Variants in LY9 observed in about 807,000 individuals in gnomAD.
LY9 encodes the protein T-lymphocyte surface antigen Ly-9.
A neutral mutation model predicts 64.6 loss-of-function variants in LY9; 59 were observed. That is an observed-to-expected ratio of 0.91 (90% CI 0.74 to 1.13). LY9 has a LOEUF of 1.13. LY9 is among the 50% of genes most tolerant of loss of function. The pLI, the probability that LY9 is intolerant of heterozygous loss-of-function variation, is 0.00. For missense variants in LY9, 789 were observed against 797.2 expected (o/e 0.99, Z 0.12); for synonymous variants, 281 against 308.5 (o/e 0.91, Z 0.93).
At chr1:160,820,797 A>T (rs1668362919) in intron 7 of LY9, among the ~76,000 whole-genome samples, 1 of 150,772 alleles carries the variant, frequency 6.6e-6, no homozygotes, top group African/African-American at 2.4e-5. Context: ...ATCCACTGCC[A>T]CTGCCTTAGT....
chr1:160,815,233 T>G, intron 4 of LY9: 2 of 156,568 alleles, frequency 1.3e-5, no homozygotes, highest in Non-Finnish European at 2.8e-5. Context: ...CAAGCTACTC[T>G]AGAGGCTGAG....
At chr1:160,796,405 G>GTT (rs199885910) in intron 1 of LY9, 94 bp downstream of exon 1, 23 of 1,435,824 alleles carry the variant, frequency 1.6e-5, no homozygotes, top group Non-Finnish European at 2.1e-5. Flanking sequence ...TTTGTTTTTT[G>GTT]TTTTTTTTAA....
intron 2 of LY9, chr1:160,813,425 T>C: frequency 5.1e-6 from 3 of 591,284 alleles, no homozygotes; most frequent in Non-Finnish European, 9.0e-6. Flanking sequence ...CTATTAGTCA[T>C]GCTGAGTCAT....
At chr1:160,814,374 A>C (rs760723656) in intron 3 of LY9, 46 bp from the exon 4 acceptor site, 4 of 1,447,474 alleles carry the variant, frequency 2.8e-6, no homozygotes, top group Non-Finnish European at 3.8e-6. Flanking sequence ...GGGCCAAGGG[A>C]GTAGGGACAG....
intron 7 of LY9, among the ~76,000 whole-genome samples, chr1:160,821,631 C>A (rs1668457026): frequency 6.6e-6 from 1 of 152,122 alleles, no homozygotes; most frequent in Admixed American, 6.5e-5. Flanking sequence ...CTCAATAGCC[C>A]CTAATGGCCT....
At chr1:160,801,123 G>A (rs1431508611) in intron 2 of LY9, among the ~76,000 whole-genome samples, 1 of 152,110 alleles carries the variant, frequency 6.6e-6, no homozygotes, top group African/African-American at 2.4e-5. Flanking sequence ...TAAATGTTTA[G>A]TTTTTTGAGA....
intron 1 of LY9, chr1:160,797,327 G>A: frequency 3.1e-6 from 3 of 978,380 alleles, no homozygotes; most frequent in Non-Finnish European, 3.6e-6. Flanking sequence ...TGCCTGAAGG[G>A]AGCTTTAGAA....
intron 3 of LY9, 55 bp from the exon 4 acceptor site, chr1:160,814,365 G>C: frequency 7.2e-7 from 1 of 1,380,402 alleles, no homozygotes; most frequent in South Asian, 1.3e-5. Flanking sequence ...GATGCCTGGG[G>C]GCCAAGGGAG....
intron 2 of LY9, among the ~76,000 whole-genome samples, chr1:160,804,222 G>A (rs1666759875): frequency 6.6e-6 from 1 of 152,070 alleles, no homozygotes; most frequent in South Asian, 2.1e-4. Context: ...TGCTAATTGT[G>A]GAATTGTCAT....
chr1:160,799,570 T>G (rs529979217), intron 1 of LY9, 183 bp from the exon 2 acceptor site: 1 of 563,338 alleles, frequency 1.8e-6, no homozygotes, highest in South Asian at 2.4e-5. Context: ...AGGGAGACAG[T>G]GTTTGGGGAA....
At chr1:160,814,209 G>C (rs1667752165) in intron 3 of LY9, among the ~76,000 whole-genome samples, 1 of 152,188 alleles carries the variant, frequency 6.6e-6, no homozygotes, top group Non-Finnish European at 1.5e-5. Flanking sequence ...GAAGGGCAGA[G>C]AGGGGACATG....
chr1:160,819,442 C>T (rs1299777915), intron 7 of LY9, 68 bp downstream of exon 7: 4 of 1,381,916 alleles, frequency 2.9e-6, no homozygotes. Flanking sequence ...TCTTGCTGCT[C>T]AAAGTGTGGT....
chr1:160,797,862 T>TAC lies in LY9; in HGVS notation c.124+1578_124+1579dup, dbSNP rs57306367. 3.1e-3 allele frequency among the ~76,000 whole-genome samples: 473 copies of TAC among 150,716 alleles called. 2 individuals carry two copies. The highest frequency in any genetic ancestry group is 8.8e-3 in the African/African-American group (362 of 41,022). ...ACTCTTACAGATTGTAGATGATCTA[T>TAC]ACACACACACACACACACACACACA... On this transcript the variant is annotated intron_variant, in intron 1 of 9. Transcript: ENST00000263285.
Position 160,827,941 on chromosome 1 carries a change from G to A in LY9, c.*125G>A. 5 of 694,730 alleles carry A rather than the reference G, an allele frequency of 7.2e-6. No homozygotes were observed. In the South Asian group the frequency reaches 9.0e-5, roughly 13 times the overall value. The allele number at this position is 694,730 out of a possible 1,614,324, so 43.0% of individuals were successfully genotyped here. ...TTCCTTCAGTGCCTCAGAGATGCCT[G>A]GATGTGGCCCCTCCCCCTCCTTCTC... On this transcript the variant is annotated 3_prime_UTR_variant, in exon 10 of 10. Transcript: ENST00000263285.
chr1:160,802,028 G>C (rs1666539151), intron 2 of LY9: 1 of 1,456,656 alleles, frequency 6.9e-7, no homozygotes, highest in Non-Finnish European at 9.0e-7. Context: ...CAGTGCCACT[G>C]CCCCCCGAGG....
chr1:160,826,018 C>T (rs1015011828), intron 9 of LY9, among the ~76,000 whole-genome samples: 3 of 152,142 alleles, frequency 2.0e-5, no homozygotes, highest in African/African-American at 7.2e-5. Context: ...CTTTGACTCT[C>T]CAGAACTTAA....
At position 160,819,437 on chromosome 1, in the gene LY9, C is replaced by A. The variant is rs993223567; in HGVS notation, c.1498+63C>A. On this transcript the variant is annotated intron_variant, in intron 7 of 9. Coordinates refer to ENST00000263285, the MANE Select transcript of LY9 (RefSeq NM_002348.4). ...TCCAAATGGAAGTTCTAAAGTCTTG[C>A]TGCTCAAAGTGTGGTCTGCTGGCCA... 4.9e-6 allele frequency: 7 copies of A among 1,423,288 alleles called. No homozygotes were observed. In the African/African-American group the frequency reaches 9.8e-5, roughly 20 times the overall value. 88.2% of individuals were successfully genotyped at this position (1,423,288 alleles called of 1,614,324 possible).
intron 2 of LY9, among the ~76,000 whole-genome samples, chr1:160,803,297 T>G (rs1666683442): frequency 6.6e-6 from 1 of 151,830 alleles, no homozygotes. Flanking sequence ...AAAATTTTTT[T>G]TTTTAAAAAG....
At chr1:160,798,387 T>A (rs965352627) in intron 1 of LY9, among the ~76,000 whole-genome samples, 7 of 152,160 alleles carry the variant, frequency 4.6e-5, no homozygotes, top group Non-Finnish European at 1.0e-4. Context: ...CAGCTCCTCA[T>A]CTGTAAAAAG....
Sources: gnomAD v4.1 joint callset for allele counts (sites outside exome capture counted in the v4.1 genomes callset) on GRCh38, gnomAD v4.1.1 for gene constraint, MANE v1.5 for transcripts, NCBI Gene and HGNC (gene_info 2026-07-23, HGNC 2026-07-21) for gene names.